The following ATXN1 variants were observed in gnomAD, a reference collection of about 807,000 sequenced individuals.
ATXN1 encodes the protein ataxin-1.
ATXN1 carries 8 observed loss-of-function variants against 56.4 expected under a neutral mutation model. The ratio of observed to expected loss-of-function variants is 0.14; its 90% CI spans 0.08 to 0.26. ATXN1 has a LOEUF of 0.26. Ranked by LOEUF, ATXN1 falls within the 10% of genes least tolerant of loss-of-function variation. The pLI, the probability that ATXN1 is intolerant of heterozygous loss-of-function variation, is 1.00. For synonymous variants in ATXN1, 514 were observed against 494.6 expected (o/e 1.04, Z -0.52); for missense variants, 987 against 1,106.5 (o/e 0.89, Z 1.53).
At position 16,301,312 on chromosome 6, in the gene ATXN1, T is replaced by C. The variant is rs1261087759; in HGVS notation, c.*5017A>G. 3 of 152,572 alleles carry C rather than the reference T, an allele frequency of 2.0e-5. No individual in the cohort carries two copies. Among genetic ancestry groups the C allele is most frequent in the East Asian group, 3.8e-4 (2 of 5,198 alleles). 9.5% of individuals were successfully genotyped at this position (152,572 alleles called of 1,614,324 possible). ...CAAGGTATAGTGCTACAAGAAAAGATCCTATCATCAGTAAGGTAACGTATT... is the reference window on the plus strand; with the variant it reads ...CAAGGTATAGTGCTACAAGAAAAGACCCTATCATCAGTAAGGTAACGTATT... On this transcript the variant is annotated 3_prime_UTR_variant, in exon 8 of 8. Coordinates refer to ENST00000436367, the MANE Select transcript of ATXN1 (RefSeq NM_001128164.2).
chr6:16,388,179 G>C (rs1437144137), intron 6 of ATXN1, among the ~76,000 whole-genome samples: 1 of 152,180 alleles, frequency 6.6e-6, no homozygotes, highest in African/African-American at 2.4e-5. Context: ...CTTAACCAAA[G>C]AATCTGCAGT....
intron 4 of ATXN1, among the ~76,000 whole-genome samples, chr6:16,524,103 C>T (rs1284754398): frequency 6.6e-6 from 1 of 152,192 alleles, no homozygotes; most frequent in Non-Finnish European, 1.5e-5. Flanking sequence ...ACGTGGACGG[C>T]ATGTGGCCGG....
At chr6:16,340,926 G>A (rs1384737002) in intron 6 of ATXN1, among the ~76,000 whole-genome samples, 4 of 152,204 alleles carry the variant, frequency 2.6e-5, no homozygotes, top group Non-Finnish European at 4.4e-5. Flanking sequence ...AAGCCTCCCT[G>A]TGGAAATCTC....
intron 4 of ATXN1, among the ~76,000 whole-genome samples, chr6:16,571,346 A>C (rs373028542): frequency 2.3e-4 from 35 of 152,318 alleles, no homozygotes; most frequent in Middle Eastern, 6.8e-3. Flanking sequence ...TTAAAAGGAC[A>C]TAAAAAGAGT....
At chr6:16,560,584 G>A (rs192930623) in intron 4 of ATXN1, among the ~76,000 whole-genome samples, 6 of 152,216 alleles carry the variant, frequency 3.9e-5, no homozygotes, top group South Asian at 2.1e-4. Context: ...TCAGACACCC[G>A]TCTTGGAGGA....
intron 6 of ATXN1, among the ~76,000 whole-genome samples, chr6:16,367,049 A>G (rs1029188384): frequency 3.9e-5 from 6 of 152,174 alleles, no homozygotes; most frequent in African/African-American, 1.4e-4. Flanking sequence ...CCCTGGGGGA[A>G]GTTTCCTCCC....
At chr6:16,614,576 T>C (rs34659387) in intron 3 of ATXN1, among the ~76,000 whole-genome samples, 4,927 of 150,416 alleles carry the variant, frequency 0.033, 118 homozygotes, top group African/African-American at 0.035. Flanking sequence ...GTAAAAGATA[T>C]CTACCACAAA....
chr6:16,540,819 A>G lies in ATXN1; in HGVS notation c.-360-18131T>C, dbSNP rs1241507760. ...GTATTTACTTATGAGTTCCTCTCCC[A>G]ACAGAGCCTTCTACTGAAAGGTGTT... On this transcript the variant is annotated intron_variant, in intron 4 of 7. Coordinates refer to ENST00000436367, the MANE Select transcript of ATXN1 (RefSeq NM_001128164.2). 3.3e-5 allele frequency among the ~76,000 whole-genome samples: 5 copies of G among 152,176 alleles called. No homozygotes were observed. The East Asian group carries it at 9.6e-4, about 29-fold the overall frequency.
intron 6 of ATXN1, among the ~76,000 whole-genome samples, chr6:16,394,148 G>A (rs1758409035): frequency 6.6e-6 from 1 of 151,948 alleles, no homozygotes; most frequent in Non-Finnish European, 1.5e-5. Context: ...TCCTAACTAG[G>A]CCTCTGAGTC....
intron 4 of ATXN1, among the ~76,000 whole-genome samples, chr6:16,538,201 G>A (rs1359803769): frequency 6.6e-6 from 1 of 152,178 alleles, no homozygotes; most frequent in Non-Finnish European, 1.5e-5. Flanking sequence ...AGTGTTAAGG[G>A]CACCGGGGCA....
chr6:16,472,860 T>TAATGCTGACAGAGCACTCC (rs1397368897), intron 6 of ATXN1, among the ~76,000 whole-genome samples: 1 of 152,172 alleles, frequency 6.6e-6, no homozygotes, highest in Non-Finnish European at 1.5e-5. Flanking sequence ...GCATTGAGTT[T>TAATGCTGACAGAGCACTCC]AATGCTGACA....
intron 6 of ATXN1, among the ~76,000 whole-genome samples, chr6:16,433,843 G>A (rs1471420871): frequency 6.6e-6 from 1 of 152,220 alleles, no homozygotes; most frequent in African/African-American, 2.4e-5. Context: ...GAGCTCAGGC[G>A]AGCCACGGAT....
chr6:16,328,049 A>G lies in ATXN1; in HGVS notation c.262T>C (p.Ser88Pro). 1 of 1,613,624 alleles carries G rather than the reference A, an allele frequency of 6.2e-7. No individual in the cohort carries two copies. The change falls in exon 7 of 8, where the codon TCC becomes CCC. Residue 88 changes from serine (S) to proline (P), a missense_variant. Transcript: ENST00000436367. This position sits in a 1 kb window ranked among gnomAD's most constrained non-coding sequence, Gnocchi z 6.2. The part of the protein sequence containing the change: ...HKALSTGLDY[S>P]PPSAPRSVPV... ...ACAGACCTGGGAGCGCTGGGCGGGG[A>G]GTAGTCCAGCCCTGTGGACAATGCT...
At chr6:16,716,949 A>G (rs552239978) in intron 2 of ATXN1, among the ~76,000 whole-genome samples, 5 of 152,378 alleles carry the variant, frequency 3.3e-5, no homozygotes, top group African/African-American at 1.2e-4. Flanking sequence ...AAAGGGACTT[A>G]TAAGAAGGAC....
chr6:16,326,615 C>T lies in ATXN1; in HGVS notation c.1696G>A (p.Ala566Thr), dbSNP rs772774843. The T allele has an allele frequency of 1.2e-6, 2 of 1,614,080 alleles. No homozygotes were observed. The highest frequency in any genetic ancestry group is 8.5e-7 in the Non-Finnish European group (1 of 1,180,026). The change falls in exon 7 of 8, where the codon GCT (alanine) becomes ACT (threonine). Residue 566 changes from alanine (A) to threonine (T), a missense_variant. This residue lies in a region of ATXN1 where 723 missense variants were observed against 791.7 expected (regional missense o/e 0.91). Coordinates refer to ENST00000436367, the MANE Select transcript of ATXN1 (RefSeq NM_001128164.2). This position sits in a 1 kb window ranked among gnomAD's most constrained non-coding sequence, Gnocchi z 6.6. ...VVQSVASPAA[A>T]PPTLPPYFMK... ...AAGTAGGGAGGCAGCGTAGGGGGAG[C>T]CGCCGCCGGGGAGGCCACGGACTGC...
chr6:16,335,564 T>C (rs1466809487), intron 6 of ATXN1, among the ~76,000 whole-genome samples: 1 of 152,220 alleles, frequency 6.6e-6, no homozygotes, highest in African/African-American at 2.4e-5. Context: ...AATAATTTTA[T>C]GTATCTTAAT....
At chr6:16,456,436 C>T (rs182237239) in intron 6 of ATXN1, among the ~76,000 whole-genome samples, 4 of 152,300 alleles carry the variant, frequency 2.6e-5, no homozygotes, top group Admixed American at 2.0e-4. Flanking sequence ...AAAGGGCTCA[C>T]TAACAACCCC....
At chr6:16,322,483 C>A (rs1760677886) in intron 7 of ATXN1, among the ~76,000 whole-genome samples, 1 of 152,208 alleles carries the variant, frequency 6.6e-6, no homozygotes, top group Non-Finnish European at 1.5e-5. Flanking sequence ...ACAATGCCAT[C>A]TGTTTTGGAG....
At chr6:16,711,479 A>C (rs904595299) in intron 2 of ATXN1, among the ~76,000 whole-genome samples, 24 of 152,074 alleles carry the variant, frequency 1.6e-4, no homozygotes, top group African/African-American at 5.6e-4. Flanking sequence ...ACTGAGAAAA[A>C]ATTCATATTT....
Sources: allele counts gnomAD v4.1 joint callset (sites outside exome capture counted in the v4.1 genomes callset), GRCh38; gene constraint gnomAD v4.1.1; regional missense constraint gnomAD v4.1.1; non-coding constraint Gnocchi (gnomAD v3.1); transcripts MANE v1.5; gene names NCBI Gene and HGNC (gene_info 2026-07-23, HGNC 2026-07-21).